The following IDE variants were observed in gnomAD, a reference collection of about 807,000 sequenced individuals.
The protein encoded by IDE is insulin-degrading enzyme.
A neutral mutation model predicts 133.2 loss-of-function variants in IDE; 58 were observed. That is an observed-to-expected ratio of 0.44 (90% CI 0.35 to 0.54). The LOEUF (loss-of-function observed/expected upper bound fraction) is 0.54, where lower values mean the gene tolerates loss of function less well. Ranked by LOEUF, IDE falls within the 20% of genes least tolerant of loss-of-function variation. The pLI, the probability that IDE is intolerant of heterozygous loss-of-function variation, is 0.00. For synonymous variants in IDE, 396 were observed against 421.3 expected (o/e 0.94, Z 0.73); for missense variants, 981 against 1,234.0 (o/e 0.79, Z 3.07).
At chr10:92,526,261 T>C (rs973211163) in intron 4 of IDE, among the ~76,000 whole-genome samples, 4 of 152,070 alleles carry the variant, frequency 2.6e-5, no homozygotes, top group Non-Finnish European at 4.4e-5. Context: ...CCTGTGTTCA[T>C]GGACTGGAAG....
chr10:92,494,941 A>C (rs937423195), intron 11 of IDE, among the ~76,000 whole-genome samples: 3 of 152,244 alleles, frequency 2.0e-5, no homozygotes, highest in African/African-American at 7.2e-5. Flanking sequence ...AGACCTGGCA[A>C]TAAGAAACTG....
intron 3 of IDE, among the ~76,000 whole-genome samples, chr10:92,533,179 T>C (rs1850037771): frequency 6.6e-6 from 1 of 152,190 alleles, no homozygotes; most frequent in Admixed American, 6.5e-5. Flanking sequence ...AAGTGGATTT[T>C]TAGTTTGAGC....
chr10:92,563,181 G>A (rs112153717), intron 1 of IDE, among the ~76,000 whole-genome samples: 7,537 of 152,216 alleles, frequency 0.05, 249 homozygotes, highest in Middle Eastern at 0.082. Context: ...AACCCGGGAC[G>A]CGGAGGTTGC....
chr10:92,550,090 C>T (rs1446895820), intron 1 of IDE, among the ~76,000 whole-genome samples: 1 of 152,044 alleles, frequency 6.6e-6, no homozygotes, highest in Non-Finnish European at 1.5e-5. Flanking sequence ...ATCTCTTGAA[C>T]CTGAGAAGTG....
intron 5 of IDE, among the ~76,000 whole-genome samples, chr10:92,512,594 A>C (rs1459438861): frequency 6.6e-6 from 1 of 151,606 alleles, no homozygotes; most frequent in Admixed American, 6.6e-5. Flanking sequence ...TTGGCACCTA[A>C]TCCCAGGACT....
At chr10:92,527,958 G>A (rs1432963192) in intron 4 of IDE, among the ~76,000 whole-genome samples, 1 of 152,232 alleles carries the variant, frequency 6.6e-6, no homozygotes, top group Non-Finnish European at 1.5e-5. Context: ...GGAGGTGGCA[G>A]TGAGCCAAGG....
chr10:92,461,355 C>T, intron 21 of IDE, 103 bp from the exon 22 acceptor site: 1 of 541,886 alleles, frequency 1.8e-6, no homozygotes, highest in Middle Eastern at 3.8e-4. Context: ...TCTTAAGTAT[C>T]CATATATATT....
Position 92,465,751 on chromosome 10 carries a change from T to C in IDE, c.2413A>G (p.Asn805Asp). The change falls in exon 20 of 25, where the codon AAT becomes GAT. Residue 805 changes from asparagine (N) to aspartate (D), a missense_variant. Around this residue, in one of 2 missense-constraint regions of IDE, gnomAD observed 660 missense variants for 894.7 expected, o/e 0.74. Coordinates refer to ENST00000265986, the MANE Select transcript of IDE (RefSeq NM_004969.4). ...TGACAGAAGAGCTCCAGAAACATATTCTCTGAGGTGCTTTGCATGTCTGTT... is the reference window on the plus strand; with the variant it reads ...TGACAGAAGAGCTCCAGAAACATATCCTCTGAGGTGCTTTGCATGTCTGTT... ...YQTDMQSTSENMFLELFCQII... is the reference protein window; with the variant it reads ...YQTDMQSTSEDMFLELFCQII... 6.2e-7 allele frequency: 1 copy of C among 1,613,996 alleles called. No individual in the cohort carries two copies. Among genetic ancestry groups the C allele is most frequent in the East Asian group, 2.2e-5 (1 of 44,878 alleles).
Position 92,479,579 on chromosome 10 carries a change from A to G in IDE, c.1740-158T>C, listed in dbSNP as rs1846483216. The stretch of plus-strand genomic sequence containing the variant: ...ATTTCTTATGAGGAAAAAAAAGAAG[A>G]TGTCTGAAAAAGAAGCCTGAAGTGT... On this transcript the variant is annotated intron_variant, in intron 14 of 24. Coordinates refer to ENST00000265986, the MANE Select transcript of IDE (RefSeq NM_004969.4). The G allele has an allele frequency of 6.6e-6, 4 of 604,500 alleles. No individual in the cohort carries two copies. In the Admixed American group the frequency reaches 8.9e-5, roughly 13 times the overall value. The allele number at this position is 604,500 out of a possible 1,614,324, so 37.4% of individuals were successfully genotyped here. A position where few individuals can be genotyped will look rare whatever the true frequency, so the allele number is the denominator to read the frequency against.
intron 11 of IDE, among the ~76,000 whole-genome samples, chr10:92,493,383 C>T (rs965580400): frequency 3.3e-5 from 5 of 151,416 alleles, no homozygotes; most frequent in African/African-American, 9.7e-5. Context: ...TTCCATGAAA[C>T]GCTTGATTTC....
rs2135391574 is a variant in IDE at position 92,474,856 on chromosome 10, T to C, written c.2101A>G (p.Lys701Glu). The C allele has an allele frequency of 6.2e-7, 1 of 1,612,894 alleles. No homozygotes were observed. Among genetic ancestry groups the C allele is most frequent in the Non-Finnish European group, 8.5e-7 (1 of 1,179,634 alleles). ...TEVAWTKDEL[K>E]EALDDVTLPR... ...AAAGTCTCACCATCCAGAGCTTCTT[T>C]TAACTCATCTTTAGTCCAGGCCACT... Residue 701 changes from lysine (K) to glutamate (E), a missense_variant, in exon 17 of 25, where the codon AAA (lysine) becomes GAA (glutamate). Coordinates refer to ENST00000265986, the MANE Select transcript of IDE (RefSeq NM_004969.4).
intron 16 of IDE, 68 bp from the exon 17 acceptor site, chr10:92,475,029 T>C (rs1389560221): frequency 1.7e-5 from 22 of 1,261,300 alleles, no homozygotes; most frequent in Non-Finnish European, 2.3e-5. Context: ...AGTCCAGTTA[T>C]AATCAAATTT....
At chr10:92,459,920 C>T (rs1042511958) in intron 22 of IDE, among the ~76,000 whole-genome samples, 1 of 150,830 alleles carries the variant, frequency 6.6e-6, no homozygotes, top group Admixed American at 6.6e-5. Flanking sequence ...ACCTCCGCCT[C>T]CCGGGTTCAA....
At chr10:92,460,304 A>G (rs1845304639) in intron 22 of IDE, among the ~76,000 whole-genome samples, 1 of 152,186 alleles carries the variant, frequency 6.6e-6, no homozygotes, top group Admixed American at 6.5e-5. Flanking sequence ...TGGCACCTAA[A>G]TGGGTGAAGA....
intron 1 of IDE, among the ~76,000 whole-genome samples, chr10:92,555,355 G>C (rs574967929): frequency 2.6e-4 from 39 of 152,034 alleles, no homozygotes; most frequent in African/African-American, 8.7e-4. Context: ...GAATTAGCCA[G>C]GCATGGTGGC....
rs1357472348 is a variant in IDE at position 92,504,895 on chromosome 10, A to C, written c.1329T>G (p.Tyr443Ter). 6.9e-7 allele frequency: 1 copy of C among 1,451,158 alleles called. No individual in the cohort carries two copies. The highest frequency in any genetic ancestry group is 9.5e-7 in the Non-Finnish European group (1 of 1,057,914). The allele number at this position is 1,451,158 out of a possible 1,614,324, so 89.9% of individuals were successfully genotyped here. Residue 443 changes from tyrosine to a stop codon, truncating the protein, a stop_gained and splice_region_variant, in exon 11 of 25, where the codon TAT becomes TAG. Transcript: ENST00000265986. LOFTEE classifies it high-confidence loss of function. ...CTGTGAGCACCTCTTCTAGGGGATA[A>C]TACTTTTAAAAAGGAAAATATAAAT... is the stretch of plus-strand genomic sequence containing the variant. ...YTSKIAGILH[Y>*]YPLEEVLTAE...
intron 1 of IDE, chr10:92,558,904 T>C (rs866888010): frequency 6.7e-6 from 1 of 150,096 alleles, no homozygotes; most frequent in Non-Finnish European, 1.5e-5. Context: ...CTAGAGAATA[T>C]ATTTTAAAAC....
At chr10:92,558,198 G>T (rs551803432) in intron 1 of IDE, among the ~76,000 whole-genome samples, 1 of 152,098 alleles carries the variant, frequency 6.6e-6, no homozygotes, top group Admixed American at 6.6e-5. Context: ...GATTACAGGT[G>T]CCTGTCACTA....
intron 4 of IDE, among the ~76,000 whole-genome samples, chr10:92,518,743 G>A (rs1256597119): frequency 6.6e-6 from 1 of 152,048 alleles, no homozygotes; most frequent in African/African-American, 2.4e-5. Flanking sequence ...TCATCAATAT[G>A]GACAACTCTT....
Sources: gnomAD v4.1 joint callset for allele counts (sites outside exome capture counted in the v4.1 genomes callset) on GRCh38, gnomAD v4.1.1 for gene constraint, gnomAD v4.1.1 regional missense constraint, MANE v1.5 for transcripts, NCBI Gene and HGNC (gene_info 2026-07-23, HGNC 2026-07-21) for gene names.